The following STXBP5L variants were observed in gnomAD, a reference collection of about 807,000 sequenced individuals.
STXBP5L encodes the protein syntaxin-binding protein 5-like.
Under a neutral mutation model 144.5 loss-of-function variants are expected in STXBP5L, and 65 were observed. The observed-to-expected ratio is 0.45, with a 90% CI of 0.37 to 0.55. STXBP5L has a LOEUF of 0.55. Among genes scored for constraint, STXBP5L ranks in the 20% least tolerant of loss-of-function variants. The probability of loss-of-function intolerance (pLI) is 0.00; values close to 1 mark genes in which losing one functional copy is unlikely to be tolerated. For synonymous variants in STXBP5L, 505 were observed against 469.6 expected, an observed-to-expected ratio of 1.08 and a Z score of -0.97; for missense variants, 1,298 against 1,405.5, an observed-to-expected ratio of 0.92 and a Z score of 1.22.
In STXBP5L at chr3:121,318,550, A is replaced by T. The variant is rs2043861563; in HGVS notation, c.2176+10A>T. 1 of 1,533,996 alleles carries T rather than the reference A, an allele frequency of 6.5e-7. No homozygotes were observed. The highest frequency in any genetic ancestry group is 8.8e-7 in the Non-Finnish European group (1 of 1,138,266). On this transcript the variant is annotated intron_variant, in intron 20 of 26. Coordinates refer to ENST00000471454, the MANE Select transcript of STXBP5L (RefSeq NM_001308330.2). ...AAGTCTCCTACCTCAGGTAAACATGAGTGGTATTTTGCAGACTTCTGGTAA... is the reference window on the plus strand; with the variant it reads ...AAGTCTCCTACCTCAGGTAAACATGTGTGGTATTTTGCAGACTTCTGGTAA...
At chr3:121,267,150 A>C (rs1308519370) in intron 18 of STXBP5L, among the ~76,000 whole-genome samples, 3 of 152,194 alleles carry the variant, frequency 2.0e-5, no homozygotes, top group African/African-American at 7.2e-5. Flanking sequence ...ATGCTACCTG[A>C]CTTCGAACTA....
At chr3:120,992,459 G>A (rs991365968) in intron 3 of STXBP5L, among the ~76,000 whole-genome samples, 2 of 151,798 alleles carry the variant, frequency 1.3e-5, no homozygotes, top group Non-Finnish European at 2.9e-5. Flanking sequence ...CCCCCATGCA[G>A]CCTTCCTCAC....
chr3:121,389,528 A>G (rs2046521202), intron 22 of STXBP5L, among the ~76,000 whole-genome samples: 2 of 152,164 alleles, frequency 1.3e-5, no homozygotes, highest in Non-Finnish European at 2.9e-5. Context: ...ATTTAGTGCT[A>G]TACATTTCCC....
At chr3:121,137,793 C>A (rs2045329102) in intron 7 of STXBP5L, among the ~76,000 whole-genome samples, 1 of 152,044 alleles carries the variant, frequency 6.6e-6, no homozygotes, top group Non-Finnish European at 1.5e-5. Flanking sequence ...CCAATAAGGG[C>A]CACAATTGAC....
intron 9 of STXBP5L, among the ~76,000 whole-genome samples, chr3:121,190,408 A>G (rs1458613638): frequency 6.6e-6 from 1 of 152,204 alleles, no homozygotes; most frequent in Non-Finnish European, 1.5e-5. Context: ...AAGGCAGAAG[A>G]ATTTTTCTTA....
At chr3:121,140,263 A>C (rs1220253050) in intron 7 of STXBP5L, among the ~76,000 whole-genome samples, 1 of 152,136 alleles carries the variant, frequency 6.6e-6, no homozygotes, top group African/African-American at 2.4e-5. Flanking sequence ...AAAGATAATA[A>C]GTACTGGTGA....
At chr3:120,991,176 G>T (rs1458952267) in intron 3 of STXBP5L, among the ~76,000 whole-genome samples, 2 of 149,772 alleles carry the variant, frequency 1.3e-5, no homozygotes, top group Admixed American at 6.7e-5. Flanking sequence ...CAAAGGATAT[G>T]AACAGACACT....
chr3:121,138,761 G>T (rs563064357), intron 7 of STXBP5L, among the ~76,000 whole-genome samples: 68 of 151,944 alleles, frequency 4.5e-4, no homozygotes, highest in Admixed American at 8.5e-4. Flanking sequence ...AATTAAAATA[G>T]ATTAAATAAT....
chr3:121,152,235 A>G (rs934152573), intron 7 of STXBP5L, among the ~76,000 whole-genome samples: 1 of 151,700 alleles, frequency 6.6e-6, no homozygotes, highest in Non-Finnish European at 1.5e-5. Flanking sequence ...ATATCATGTC[A>G]TATATATTTA....
At chr3:121,237,828 AC>A (rs1376980714) in intron 12 of STXBP5L, among the ~76,000 whole-genome samples, 1 of 152,178 alleles carries the variant, frequency 6.6e-6, no homozygotes, top group Non-Finnish European at 1.5e-5. Flanking sequence ...ATTCTCTGCT[AC>A]AGTGCAACAA....
At chr3:121,419,035 G>T in intron 26 of STXBP5L, 21 bp from the exon 27 acceptor site, 1 of 1,609,968 alleles carries the variant, frequency 6.2e-7, no homozygotes, top group Non-Finnish European at 8.5e-7. Context: ...GCGTCTTATG[G>T]TGGCTATTTT....
At chr3:121,189,247 T>G (rs1333307125) in intron 9 of STXBP5L, among the ~76,000 whole-genome samples, 1 of 152,246 alleles carries the variant, frequency 6.6e-6, no homozygotes, top group African/African-American at 2.4e-5. Flanking sequence ...TTGTCAATTT[T>G]GGCTTTTGTT....
intron 22 of STXBP5L, among the ~76,000 whole-genome samples, chr3:121,389,363 GT>G: frequency 6.6e-6 from 1 of 152,212 alleles, no homozygotes; most frequent in African/African-American, 2.4e-5. Flanking sequence ...TTTTTGAAAG[GT>G]TTTTTGTGTC....
rs185257948 is a variant in STXBP5L, at chr3:121,419,929, G to A, written c.*832G>A. On this transcript the variant is annotated 3_prime_UTR_variant, in exon 27 of 27. Coordinates refer to ENST00000471454, the MANE Select transcript of STXBP5L (RefSeq NM_001308330.2). The stretch of plus-strand genomic sequence containing the variant: ...TATAGGGGAGTTGGTAGTAGGTGTG[G>A]GGAATCTATAGGAACAATAGAGTTA... 1 of 152,248 alleles carries A rather than the reference G, an allele frequency of 6.6e-6. No individual in the cohort carries two copies. Among genetic ancestry groups the A allele is most frequent in the East Asian group, 1.9e-4 (1 of 5,186 alleles). The allele number at this position is 152,248 out of a possible 1,614,324, so 9.4% of individuals were successfully genotyped here. A position where few individuals can be genotyped will look rare whatever the true frequency, so the allele number is the denominator to read the frequency against.
chr3:121,205,002 G>T (rs933927800), intron 9 of STXBP5L, among the ~76,000 whole-genome samples: 3 of 152,060 alleles, frequency 2.0e-5, no homozygotes, highest in Non-Finnish European at 4.4e-5. Context: ...TAGTATCTGT[G>T]TTCATTGTCT....
chr3:121,343,059 T>A (rs540592749), intron 20 of STXBP5L, among the ~76,000 whole-genome samples: 10 of 152,310 alleles, frequency 6.6e-5, no homozygotes, highest in African/African-American at 2.2e-4. Context: ...TGAAATGGTA[T>A]CTCATTGTGG....
In STXBP5L at chr3:120,979,053, G is replaced by A. The variant is rs533537552; in HGVS notation, c.287+24016G>A. ...TTCTCAGATCTCCAGCTGCATGCTC[G>A]GAGAACCACTGCTCTCTTCAAAGCT... On this transcript the variant is annotated intron_variant, in intron 3 of 26. Transcript: ENST00000471454. 1.3e-4 allele frequency among the ~76,000 whole-genome samples: 20 copies of A among 152,258 alleles called. No homozygotes were observed. The East Asian group carries it at 1.4e-3, about 10-fold the overall frequency.
At chr3:120,936,909 G>T (rs550171312) in intron 2 of STXBP5L, among the ~76,000 whole-genome samples, 1 of 152,256 alleles carries the variant, frequency 6.6e-6, no homozygotes, top group South Asian at 2.1e-4. Flanking sequence ...GTTGAGGTGT[G>T]GGGGAGGGAA....
At chr3:121,107,143 G>A (rs573346591) in intron 5 of STXBP5L, among the ~76,000 whole-genome samples, 1 of 151,512 alleles carries the variant, frequency 6.6e-6, no homozygotes, top group East Asian at 1.9e-4. Context: ...CTGGATGTTA[G>A]ACCTTTGTCA....
Sources: gnomAD v4.1 joint callset for allele counts (sites outside exome capture counted in the v4.1 genomes callset) on GRCh38, gnomAD v4.1.1 for gene constraint, MANE v1.5 for transcripts, NCBI Gene and HGNC (gene_info 2026-07-23, HGNC 2026-07-21) for gene names.